Variants in SCN1A observed in about 807,000 individuals in gnomAD.
SCN1A encodes sodium channel protein type 1 subunit alpha.
Under a neutral mutation model 193.7 loss-of-function variants are expected in SCN1A, and 13 were observed. The ratio of observed to expected loss-of-function variants is 0.07; its 90% CI spans 0.04 to 0.11. SCN1A has a LOEUF of 0.11. Among genes scored for constraint, SCN1A ranks in the 10% least tolerant of loss-of-function variants. SCN1A has a pLI of 1.00. For missense variants in SCN1A, 1,432 were observed against 2,451.1 expected, an observed-to-expected ratio of 0.58 and a Z score of 8.78; for synonymous variants, 781 against 843.6, an observed-to-expected ratio of 0.93 and a Z score of 1.29.
chr2:166,109,148 T>C (rs1178372565), intron 2 of SCN1A, among the ~76,000 whole-genome samples: 2 of 152,170 alleles, frequency 1.3e-5, no homozygotes, highest in Non-Finnish European at 2.9e-5. Context: ...AGAATAATTG[T>C]TCATCTTAGT....
intron 1 of SCN1A, among the ~76,000 whole-genome samples, chr2:166,142,210 C>T (rs143871141): frequency 3.9e-5 from 6 of 152,140 alleles, no homozygotes; most frequent in Non-Finnish European, 7.3e-5. Flanking sequence ...AAACTGGAAC[C>T]GCATTCCCAA....
At chr2:166,051,697 T>G (rs781654224) in intron 9 of SCN1A, 22 bp downstream of exon 9, 2 of 1,561,832 alleles carry the variant, frequency 1.3e-6, no homozygotes, top group Non-Finnish European at 1.8e-6. Context: ...TTTAAGGAAA[T>G]GTACATAACA....
chr2:166,051,407 C>A lies in SCN1A; in HGVS notation c.964+312G>T, dbSNP rs554815487. The stretch of plus-strand genomic sequence containing the variant: ...AAAAGATCACGTCTTGTTATGTAAT[C>A]ATTTAAAAATATTTTTCATTCCTAG... On this transcript the variant is annotated intron_variant, in intron 9 of 28. Transcript: ENST00000674923. Among the ~76,000 whole-genome samples the A allele has an allele frequency of 3.9e-5, 6 of 151,970 alleles. 1 individual carries two copies. Among genetic ancestry groups the A allele is most frequent in the African/African-American group, 1.4e-4 (6 of 41,494 alleles).
intron 20 of SCN1A, 117 bp downstream of exon 20, chr2:166,015,490 A>C (rs1013551366): frequency 8.0e-7 from 1 of 1,252,228 alleles, no homozygotes; most frequent in Admixed American, 1.7e-5. Flanking sequence ...ATTAGAGGTG[A>C]TTGAATTATA....
At position 166,119,251 on chromosome 2, in the gene SCN1A, A is replaced by AT. The variant is rs556947358; in HGVS notation, c.-142+7672dup. Among the ~76,000 whole-genome samples the AT allele has an allele frequency of 3.5e-3, 526 of 152,238 alleles. 5 individuals are homozygous for AT. Among genetic ancestry groups the AT allele is most frequent in the Admixed American group, 6.1e-3 (93 of 15,290 alleles). ...TAATAATCTATTTCTCCTCACACAG[A>AT]TTTCTTTCCTCACATCCTCAACACA... On this transcript the variant is annotated intron_variant, in intron 2 of 28. Transcript: ENST00000674923.
chr2:166,131,236 C>T (rs1691645802), upstream of SCN1A, among the ~76,000 whole-genome samples: 1 of 152,148 alleles, frequency 6.6e-6, no homozygotes, highest in South Asian at 2.1e-4. Flanking sequence ...AAATTAGCTG[C>T]CTACTTCCTA....
At chr2:166,074,187 G>T (rs1559286667) in intron 3 of SCN1A, among the ~76,000 whole-genome samples, 2 of 152,110 alleles carry the variant, frequency 1.3e-5, no homozygotes, top group South Asian at 2.1e-4. Context: ...GTCTTGACTG[G>T]GCTTTAACCT....
chr2:166,080,229 T>C (rs1332604546), intron 2 of SCN1A, among the ~76,000 whole-genome samples: 1 of 151,746 alleles, frequency 6.6e-6, no homozygotes, highest in Non-Finnish European at 1.5e-5. Context: ...TACGGGGTAG[T>C]AACCTCATAG....
intron 2 of SCN1A, among the ~76,000 whole-genome samples, chr2:166,082,215 G>C (rs1559300224): frequency 6.6e-6 from 1 of 151,848 alleles, no homozygotes; most frequent in African/African-American, 2.4e-5. Flanking sequence ...CTGAATCAAA[G>C]AAAAATGGGC....
chr2:166,138,273 T>C (rs1691943111), intron 1 of SCN1A, among the ~76,000 whole-genome samples: 2 of 152,188 alleles, frequency 1.3e-5, no homozygotes, highest in East Asian at 3.9e-4. Flanking sequence ...AGGATCTGAA[T>C]GTTAATCCCC....
chr2:166,052,709 A>C, intron 8 of SCN1A, 143 bp downstream of exon 8: 1 of 780,328 alleles, frequency 1.3e-6, no homozygotes, highest in Non-Finnish European at 2.2e-6. Flanking sequence ...AAGGCTGATA[A>C]AGCTTATGTC....
At chr2:166,113,226 C>CA (rs71031225) in intron 2 of SCN1A, among the ~76,000 whole-genome samples, 10,394 of 150,746 alleles carry the variant, frequency 0.069, 479 homozygotes, top group Middle Eastern at 0.21. Flanking sequence ...GAAACAAAAA[C>CA]AAAAACAAAA....
At chr2:166,069,892 G>A (rs1327996888) in intron 4 of SCN1A, among the ~76,000 whole-genome samples, 1 of 152,168 alleles carries the variant, frequency 6.6e-6, no homozygotes, top group Non-Finnish European at 1.5e-5. Context: ...CATTTCCACT[G>A]TTTGACCATT....
rs114392961 is a variant in SCN1A at position 166,027,807 on chromosome 2, G to C, written c.3429+8241C>G. On this transcript the variant is annotated intron_variant, in intron 19 of 28. Transcript: ENST00000674923. ...ATTAATATTTCATTGTGTACATTGT[G>C]CACTAGTAAATATTTCTATTGTACA... Among the ~76,000 whole-genome samples, 1,116 of 151,980 alleles carry C rather than the reference G, an allele frequency of 7.3e-3. 22 individuals carry two copies. The highest frequency in any genetic ancestry group is 0.026 in the African/African-American group (1,073 of 41,450).
chr2:166,014,031 T>C (rs113332180), intron 20 of SCN1A, 133 bp from the exon 21 acceptor site: 3 of 1,040,550 alleles, frequency 2.9e-6, no homozygotes, highest in Non-Finnish European at 4.4e-6. Flanking sequence ...AAGCCTAGAG[T>C]AGTAAGAGCA....
At chr2:166,110,704 T>C (rs1224119934) in intron 2 of SCN1A, among the ~76,000 whole-genome samples, 1 of 152,148 alleles carries the variant, frequency 6.6e-6, no homozygotes. Context: ...CCAGAAGATC[T>C]AGCTAAGATC....
chr2:166,064,988 C>G (rs1427205728), intron 4 of SCN1A, among the ~76,000 whole-genome samples: 1 of 152,112 alleles, frequency 6.6e-6, no homozygotes, highest in Non-Finnish European at 1.5e-5. Context: ...GAGCTGTGCT[C>G]CAGAAATGCA....
At position 166,007,392 on chromosome 2, in the gene SCN1A, C is replaced by T. The variant is rs987893689; in HGVS notation, c.4002+2327G>A. On this transcript the variant is annotated intron_variant, in intron 23 of 28. Coordinates refer to ENST00000674923, the MANE Select transcript of SCN1A (RefSeq NM_001165963.4). Reference sequence around the variant, plus strand: ...TGTTCATGATGCTCTCCGTCTGTTTCCCTATCCATTAAGACTTGAGTTCTT... The same window carrying T: ...TGTTCATGATGCTCTCCGTCTGTTTTCCTATCCATTAAGACTTGAGTTCTT... The T allele has an allele frequency of 2.0e-5, 3 of 151,170 alleles. No homozygotes were observed. The highest frequency in any genetic ancestry group is 4.4e-5 in the Non-Finnish European group (3 of 67,474). The allele number at this position is 151,170 out of a possible 1,614,324, so 9.4% of individuals were successfully genotyped here. A position where few individuals can be genotyped will look rare whatever the true frequency, so the allele number is the denominator to read the frequency against.
At position 166,049,791 on chromosome 2, in the gene SCN1A, T is replaced by C. The variant is rs1279943611; in HGVS notation, c.965-842A>G. On this transcript the variant is annotated intron_variant, in intron 9 of 28. Transcript: ENST00000674923. The stretch of plus-strand genomic sequence containing the variant: ...GACACTACTATATTGTAATTATTTA[T>C]TTACAAATATTCCTCCTAGAAAGTC... 2.6e-5 allele frequency among the ~76,000 whole-genome samples: 4 copies of C among 151,974 alleles called. No individual in the cohort carries two copies. The East Asian group carries it at 7.7e-4, about 29-fold the overall frequency.
Sources: allele counts gnomAD v4.1 joint callset (sites outside exome capture counted in the v4.1 genomes callset), GRCh38; gene constraint gnomAD v4.1.1; transcripts MANE v1.5; gene names NCBI Gene and HGNC (gene_info 2026-07-23, HGNC 2026-07-21).